PCDHGA10: variants seen among roughly 807,000 people sequenced by gnomAD.
The protein encoded by PCDHGA10 is protocadherin gamma-A10.
A neutral mutation model predicts 59.5 loss-of-function variants in PCDHGA10; 42 were observed. The ratio of observed to expected loss-of-function variants is 0.71; its 90% confidence interval spans 0.55 to 0.91. The LOEUF is 0.91. Among genes scored for constraint, PCDHGA10 ranks in the 40% least tolerant of loss-of-function variants. The pLI, the probability that PCDHGA10 is intolerant of heterozygous loss-of-function variation, is 0.00. For synonymous variants in PCDHGA10, 511 were observed against 517.2 expected (o/e 0.99, Z 0.16); for missense variants, 1,111 against 1,198.2 (o/e 0.93, Z 1.07).
Position 141,489,600 on chromosome 5 carries a change from G to A in PCDHGA10, c.2437-5207G>A, listed in dbSNP as rs1407225048. 8.1e-6 allele frequency: 13 copies of A among 1,614,034 alleles called. No homozygotes were observed. Among genetic ancestry groups the A allele is most frequent in the Non-Finnish European group, 1.1e-5 (13 of 1,179,962 alleles). ...ACCCCCTGGAGCTAATCCGTGTAGA[G>A]GTAGAGATCCTGGATCTCAATGACA... On this transcript the variant is annotated intron_variant, in intron 1 of 3. Transcript: ENST00000398610. This position sits in a 1 kb window ranked among gnomAD's most constrained non-coding sequence, Gnocchi z 4.5.
intron 1 of PCDHGA10, among the ~76,000 whole-genome samples, chr5:141,464,549 C>T (rs2099086404): frequency 6.6e-6 from 1 of 152,014 alleles, no homozygotes; most frequent in Non-Finnish European, 1.5e-5. Flanking sequence ...TAGCTATTCC[C>T]CATCTTGCAT....
intron 1 of PCDHGA10, among the ~76,000 whole-genome samples, chr5:141,464,827 C>T (rs529757361): frequency 1.5e-4 from 23 of 152,246 alleles, no homozygotes; most frequent in African/African-American, 4.6e-4. Flanking sequence ...TAGCCTCGCA[C>T]TCCTGGGCTC....
chr5:141,413,677 G>T lies in PCDHGA10; in HGVS notation c.502G>T (p.Val168Leu), dbSNP rs539552615. 1 of 1,613,794 alleles carries T rather than the reference G, an allele frequency of 6.2e-7. No individual in the cohort carries two copies. The highest frequency in any genetic ancestry group is 2.2e-5 in the East Asian group (1 of 44,866). Residue 168 changes from valine to leucine, a missense_variant, in exon 1 of 4, where the codon GTG (valine) becomes TTG (leucine). By Grantham distance (32) the Val-to-Leu change is conservative. Transcript: ENST00000398610. ...GGAAGCTATTGATCCGGATGTGGGC[G>T]TGAACTCCCTGCAGAGCTATCAGCT... ...LPEAIDPDVG[V>L]NSLQSYQLSP...
Position 141,491,730 on chromosome 5 carries a change from C to A in PCDHGA10, c.2437-3077C>A, listed in dbSNP as rs1346666614. ...GGGGCTCGGCGCCGCCCCGGGCGAC[C>A]CCTGGGGGCGGCACTGGAGAAGCCG... On this transcript the variant is annotated intron_variant, in intron 1 of 3. Coordinates refer to ENST00000398610, the MANE Select transcript of PCDHGA10 (RefSeq NM_018913.3). This position sits in a 1 kb window ranked among gnomAD's most constrained non-coding sequence, Gnocchi z 6.9. 3.1e-6 allele frequency: 5 copies of A among 1,603,920 alleles called. No individual in the cohort carries two copies. The East Asian group carries it at 6.7e-5, about 22-fold the overall frequency.
At position 141,432,908 on chromosome 5, in the gene PCDHGA10, C is replaced by A. The variant is rs757934634; in HGVS notation, c.2436+17297C>A. On this transcript the variant is annotated intron_variant, in intron 1 of 3. Coordinates refer to ENST00000398610, the MANE Select transcript of PCDHGA10 (RefSeq NM_018913.3). This position sits in a 1 kb window ranked among gnomAD's most constrained non-coding sequence, Gnocchi z 6.0. ...CATCTTGCTGCTGGCGCTCAGGCTGCGGCGCTGGCACAAGTCACGCCTGCT... is the reference window on the plus strand; with the variant it reads ...CATCTTGCTGCTGGCGCTCAGGCTGAGGCGCTGGCACAAGTCACGCCTGCT... The A allele has an allele frequency of 1.6e-5, 26 of 1,614,168 alleles. No individual in the cohort carries two copies. Among genetic ancestry groups the A allele is most frequent in the Middle Eastern group, 1.7e-4 (1 of 6,060 alleles).
Position 141,414,831 on chromosome 5 carries a change from G to C in PCDHGA10, c.1656G>C (p.Leu552Phe). The change falls in exon 1 of 4, where the codon TTG (leucine) becomes TTC (phenylalanine). Residue 552 changes from leucine to phenylalanine, a missense_variant. By Grantham distance (22) the Leu-to-Phe change is conservative. Coordinates refer to ENST00000398610, the MANE Select transcript of PCDHGA10 (RefSeq NM_018913.3). ...CTCCACTCAGCAGCAACGTGTCGTT[G>C]AGCCTGTTTGTGCTGGACCAGAACG... ...GDPPLSSNVS[L>F]SLFVLDQNDN... 7 of 1,614,212 alleles carry C rather than the reference G, an allele frequency of 4.3e-6. No individual in the cohort carries two copies. The highest frequency in any genetic ancestry group is 5.9e-6 in the Non-Finnish European group (7 of 1,180,046).
chr5:141,421,817 T>A (rs375019903), intron 1 of PCDHGA10: 34 of 1,613,662 alleles, frequency 2.1e-5, no homozygotes, highest in Non-Finnish European at 2.8e-5. Context: ...GAGCTAGTAC[T>A]GGAGGGAAGC....
At position 141,413,888 on chromosome 5, in the gene PCDHGA10, A is replaced by G. The variant is rs777389288; in HGVS notation, c.713A>G (p.Asp238Gly). Residue 238 changes from aspartate to glycine, a missense_variant, in exon 1 of 4, where the codon GAT (aspartate) becomes GGT (glycine). By Grantham distance (94) the Asp-to-Gly change is moderately conservative. Transcript: ENST00000398610. ...GTVLVSVTVF[D>G]ANDNAPVFTL... Reference sequence around the variant, plus strand: ...GTCCTTGTCAGTGTGACTGTCTTCGATGCAAATGACAACGCGCCGGTCTTC... The same window carrying G: ...GTCCTTGTCAGTGTGACTGTCTTCGGTGCAAATGACAACGCGCCGGTCTTC... The G allele has an allele frequency of 2.5e-5, 40 of 1,613,256 alleles. No individual in the cohort carries two copies. Among genetic ancestry groups the G allele is most frequent in the Non-Finnish European group, 3.4e-5 (40 of 1,179,886 alleles).
At chr5:141,472,455 G>A (rs191633108) in intron 1 of PCDHGA10, among the ~76,000 whole-genome samples, 2 of 151,972 alleles carry the variant, frequency 1.3e-5, no homozygotes, top group South Asian at 2.1e-4. Context: ...CAGGAGAATC[G>A]CTTGAACCCA....
Position 141,432,809 on chromosome 5 carries a change from T to A in PCDHGA10, c.2436+17198T>A. ...CGGCAGCCTCGAGTCTCCAGCTAAC[T>A]CTGAAACCTCAGACCTCACTCTGTA... is the stretch of plus-strand genomic sequence containing the variant. On this transcript the variant is annotated intron_variant, in intron 1 of 3. Coordinates refer to ENST00000398610, the MANE Select transcript of PCDHGA10 (RefSeq NM_018913.3). This position sits in a 1 kb window ranked among gnomAD's most constrained non-coding sequence, Gnocchi z 6.0. The A allele has an allele frequency of 6.2e-7, 1 of 1,613,398 alleles. No homozygotes were observed. Among genetic ancestry groups the A allele is most frequent in the Non-Finnish European group, 8.5e-7 (1 of 1,179,980 alleles).
Position 141,414,174 on chromosome 5 carries a change from A to C in PCDHGA10, c.999A>C (p.Ala333=). The change falls in exon 1 of 4, where the codon GCA becomes GCC. Residue 333 remains alanine (A), a synonymous_variant. Coordinates refer to ENST00000398610, the MANE Select transcript of PCDHGA10 (RefSeq NM_018913.3). ...IQAEDGGAYL[A]TAKVLITVED... is the part of the protein sequence containing the mutation. ...CAGAAGATGGAGGAGCATATCTTGC[A>C]ACTGCAAAAGTGTTGATTACAGTAG... is the stretch of plus-strand genomic sequence containing the variant. 1 of 1,607,520 alleles carries C rather than the reference A, an allele frequency of 6.2e-7. No homozygotes were observed. The highest frequency in any genetic ancestry group is 8.5e-7 in the Non-Finnish European group (1 of 1,176,684).
chr5:141,423,865 T>G, intron 1 of PCDHGA10: 1 of 1,285,992 alleles, frequency 7.8e-7, no homozygotes, highest in Non-Finnish European at 9.9e-7. Flanking sequence ...TTTGTGAAAG[T>G]CATTTTTCAA....
rs750804901 is a variant in PCDHGA10 at position 141,476,422 on chromosome 5, C to G, written c.2437-18385C>G. On this transcript the variant is annotated intron_variant, in intron 1 of 3. Coordinates refer to ENST00000398610, the MANE Select transcript of PCDHGA10 (RefSeq NM_018913.3). The surrounding 1 kb of genome is among the most constrained non-coding windows in gnomAD (Gnocchi z 7.6). ...GAGAGGAGCTGTGTGGGACACTGCC[C>G]TCTTGCACTGTAACTCTGGAGTTGG... 17 of 1,614,026 alleles carry G rather than the reference C, an allele frequency of 1.1e-5. No individual in the cohort carries two copies. The highest frequency in any genetic ancestry group is 1.4e-5 in the Non-Finnish European group (17 of 1,180,030).
chr5:141,501,141 A>G (rs940603527), intron 2 of PCDHGA10, among the ~76,000 whole-genome samples: 8 of 152,184 alleles, frequency 5.3e-5, no homozygotes, highest in Admixed American at 5.2e-4. Context: ...TGCTGGGATT[A>G]CAGGTGGGAG....
rs371499368 is a variant in PCDHGA10 at position 141,414,269 on chromosome 5, C to T, written c.1094C>T (p.Pro365Leu). The stretch of plus-strand genomic sequence containing the variant: ...TTTAGTCCAGTGACTGAAGATTCAC[C>T]TCTGGGAACAGTCGTAGCCCTTTTA... ...SLFSPVTEDS[P>L]LGTVVALLNV... The change falls in exon 1 of 4, where the codon CCT (proline) becomes CTT (leucine). Residue 365 changes from proline to leucine, a missense_variant. Coordinates refer to ENST00000398610, the MANE Select transcript of PCDHGA10 (RefSeq NM_018913.3). 8.1e-6 allele frequency: 13 copies of T among 1,613,266 alleles called. No homozygotes were observed. The African/African-American group carries it at 1.6e-4, about 20-fold the overall frequency.
intron 1 of PCDHGA10, among the ~76,000 whole-genome samples, chr5:141,454,491 C>T (rs956727548): frequency 6.6e-6 from 1 of 152,194 alleles, no homozygotes; most frequent in South Asian, 2.1e-4. Context: ...ACCGCAACCT[C>T]CACCTCCTGG....
At position 141,486,882 on chromosome 5, in the gene PCDHGA10, C is replaced by T; in HGVS notation, c.2437-7925C>T. The T allele has an allele frequency of 6.2e-7, 1 of 1,614,244 alleles. No individual in the cohort carries two copies. The highest frequency in any genetic ancestry group is 1.1e-5 in the South Asian group (1 of 91,086). On this transcript the variant is annotated intron_variant, in intron 1 of 3. Transcript: ENST00000398610. This position sits in a 1 kb window ranked among gnomAD's most constrained non-coding sequence, Gnocchi z 5.0. ...GCTCCAGCTGTGCTCCGTCCTCGGG[C>T]CCGGCCTGGTTCCTTATGTCCCCAA...
At chr5:141,430,559 G>C in intron 1 of PCDHGA10, 1 of 418,772 alleles carries the variant, frequency 2.4e-6, no homozygotes. Flanking sequence ...CACCAATCGG[G>C]GAGAGAAAAG....
Position 141,491,706 on chromosome 5 carries a change from G to T in PCDHGA10, c.2437-3101G>T. 6.2e-7 allele frequency: 1 copy of T among 1,611,088 alleles called. No individual in the cohort carries two copies. Among genetic ancestry groups the T allele is most frequent in the Non-Finnish European group, 8.5e-7 (1 of 1,178,772 alleles). On this transcript the variant is annotated intron_variant, in intron 1 of 3. Coordinates refer to ENST00000398610, the MANE Select transcript of PCDHGA10 (RefSeq NM_018913.3). The surrounding 1 kb of genome is among the most constrained non-coding windows in gnomAD (Gnocchi z 6.9). Reference sequence around the variant, plus strand: ...CGCTGCGGGAGCGGAGCCAGGTGAGGGGCTCGGCGCCGCCCCGGGCGACCC... The same window carrying T: ...CGCTGCGGGAGCGGAGCCAGGTGAGTGGCTCGGCGCCGCCCCGGGCGACCC...
Sources: allele counts gnomAD v4.1 joint callset (sites outside exome capture counted in the v4.1 genomes callset), GRCh38; gene constraint gnomAD v4.1.1; non-coding constraint Gnocchi (gnomAD v3.1); transcripts MANE v1.5; gene names NCBI Gene and HGNC (gene_info 2026-07-23, HGNC 2026-07-21).